The following PTPRD variants were observed in gnomAD, a reference collection of about 807,000 sequenced individuals.
PTPRD encodes receptor-type tyrosine-protein phosphatase delta.
In PTPRD, 34 loss-of-function variants were observed where a neutral mutation model predicts 214.5. The ratio of observed to expected loss-of-function variants is 0.16; its 90% CI spans 0.12 to 0.21. PTPRD has a LOEUF of 0.21. PTPRD is among the 10% of genes least tolerant of loss of function. PTPRD has a pLI of 1.00. For synonymous variants in PTPRD, 1,128 were observed against 845.7 expected, an observed-to-expected ratio of 1.33 and a Z score of -5.79; for missense variants, 2,545 against 2,398.7, an observed-to-expected ratio of 1.06 and a Z score of -1.27.
At position 8,404,277 on chromosome 9, in the gene PTPRD, C is replaced by T. The variant is rs1485143335; in HGVS notation, c.4210+260G>A. 2.6e-5 allele frequency among the ~76,000 whole-genome samples: 4 copies of T among 152,002 alleles called. No homozygotes were observed. The East Asian group carries it at 7.7e-4, about 29-fold the overall frequency. On this transcript the variant is annotated intron_variant, in intron 36 of 45. Coordinates refer to ENST00000381196, the MANE Select transcript of PTPRD (RefSeq NM_002839.4). ...CTGAGTAGCTGGGATTACAGGCGCC[C>T]ACCACCATGCCCGGCTAGTTTTTGT...
At chr9:9,894,170 T>A (rs1364735098) in intron 5 of PTPRD, among the ~76,000 whole-genome samples, 2 of 152,056 alleles carry the variant, frequency 1.3e-5, no homozygotes, top group Non-Finnish European at 2.9e-5. Flanking sequence ...AGATAATATC[T>A]ATCATTTCTC....
At chr9:10,537,981 C>G (rs1190634459) in intron 2 of PTPRD, among the ~76,000 whole-genome samples, 1 of 152,080 alleles carries the variant, frequency 6.6e-6, no homozygotes, top group Non-Finnish European at 1.5e-5. Flanking sequence ...TTTACCAAGC[C>G]TTCCACCTAA....
At chr9:10,218,757 G>T (rs75624702) in intron 3 of PTPRD, among the ~76,000 whole-genome samples, 5,560 of 151,712 alleles carry the variant, frequency 0.037, 129 homozygotes, top group Middle Eastern at 0.085. Flanking sequence ...AGGGAGCCTT[G>T]GTCTTGGTGA....
chr9:8,755,040 G>T, intron 11 of PTPRD, among the ~76,000 whole-genome samples: 1 of 152,040 alleles, frequency 6.6e-6, no homozygotes, highest in Non-Finnish European at 1.5e-5. Flanking sequence ...ATTAAAATCA[G>T]AAACTCGACA....
At chr9:8,838,484 T>C (rs1357241207) in intron 11 of PTPRD, among the ~76,000 whole-genome samples, 1 of 152,148 alleles carries the variant, frequency 6.6e-6, no homozygotes, top group Non-Finnish European at 1.5e-5. Context: ...ACTTTTTAAA[T>C]TCAACTCAAA....
chr9:9,441,522 G>A (rs1355038731), intron 8 of PTPRD, among the ~76,000 whole-genome samples: 1 of 152,114 alleles, frequency 6.6e-6, no homozygotes, highest in Non-Finnish European at 1.5e-5. Flanking sequence ...ATGATGGAGG[G>A]AGAAACTAGG....
At chr9:10,088,919 G>A (rs1241583487) in intron 3 of PTPRD, among the ~76,000 whole-genome samples, 1 of 151,606 alleles carries the variant, frequency 6.6e-6, no homozygotes, top group East Asian at 1.9e-4. Flanking sequence ...ACAGCCTTCT[G>A]AATATACTAC....
rs149657398 is a variant in PTPRD at position 8,454,414 on chromosome 9, A to C, written c.3876-4577T>G. On this transcript the variant is annotated intron_variant, in intron 33 of 45. Transcript: ENST00000381196. ...AAACAAAATATTTATTTTCCCCAGAATCATCTTAATGAAGTTACTGTGTAT... is the reference window on the plus strand; with the variant it reads ...AAACAAAATATTTATTTTCCCCAGACTCATCTTAATGAAGTTACTGTGTAT... Among the ~76,000 whole-genome samples, 72 of 152,216 alleles carry C rather than the reference A, an allele frequency of 4.7e-4. No individual in the cohort carries two copies. The East Asian group carries it at 0.014, about 29-fold the overall frequency.
Position 9,093,740 on chromosome 9 carries a change from G to GA in PTPRD, c.-142-75006dup, listed in dbSNP as rs539627015. On this transcript the variant is annotated intron_variant, in intron 10 of 45. Transcript: ENST00000381196. ...GCATTAACTGCTTCTATTAGAAAAG[G>GA]AAAAAGTTCTCAAGTTAATGATCTA... Among the ~76,000 whole-genome samples, 791 of 151,644 alleles carry GA rather than the reference G, an allele frequency of 5.2e-3. 7 individuals are homozygous for GA. Among genetic ancestry groups the GA allele is most frequent in the African/African-American group, 0.018 (753 of 41,424 alleles).
intron 10 of PTPRD, among the ~76,000 whole-genome samples, chr9:9,100,562 C>T (rs2099789872): frequency 6.6e-6 from 1 of 152,036 alleles, no homozygotes; most frequent in East Asian, 1.9e-4. Flanking sequence ...TCAAGCAGAT[C>T]ATAGCCACAT....
At chr9:10,211,201 G>A (rs1405283450) in intron 3 of PTPRD, among the ~76,000 whole-genome samples, 3 of 151,868 alleles carry the variant, frequency 2.0e-5, no homozygotes, top group African/African-American at 4.8e-5. Context: ...ATCTGTGGAC[G>A]AAATAGAAGT....
intron 3 of PTPRD, among the ~76,000 whole-genome samples, chr9:10,200,736 G>A (rs923613012): frequency 2.0e-5 from 3 of 152,040 alleles, no homozygotes; most frequent in African/African-American, 7.2e-5. Context: ...AACATTTGCA[G>A]AATGTTATAG....
chr9:8,411,299 TC>T (rs1158987827), intron 35 of PTPRD, among the ~76,000 whole-genome samples: 5 of 143,968 alleles, frequency 3.5e-5, no homozygotes, highest in Non-Finnish European at 7.6e-5. Flanking sequence ...TTTTTATTTA[TC>T]TTTTATTTTT....
At chr9:9,043,939 T>C (rs1569497487) in intron 10 of PTPRD, among the ~76,000 whole-genome samples, 1 of 128,680 alleles carries the variant, frequency 7.8e-6, no homozygotes, top group Non-Finnish European at 1.7e-5. Context: ...TAAAATAAAA[T>C]AAAATAAAAT....
chr9:9,722,103 T>C (rs1407628149), intron 7 of PTPRD, among the ~76,000 whole-genome samples: 3 of 152,000 alleles, frequency 2.0e-5, no homozygotes, highest in Non-Finnish European at 4.4e-5. Flanking sequence ...TTACACACCA[T>C]AAAACTCTCC....
Position 10,249,089 on chromosome 9 carries a change from A to G in PTPRD, c.-545+91874T>C, listed in dbSNP as rs1347299698. On this transcript the variant is annotated intron_variant, in intron 3 of 45. Coordinates refer to ENST00000381196, the MANE Select transcript of PTPRD (RefSeq NM_002839.4). ...CAGATCTTATATATCTTAAGTCAGC[A>G]AATTTGACCTGCATTTCAAAATCTT... is the stretch of plus-strand genomic sequence containing the variant. Among the ~76,000 whole-genome samples the G allele has an allele frequency of 2.6e-5, 4 of 152,138 alleles. No individual in the cohort carries two copies. The East Asian group carries it at 5.8e-4, about 22-fold the overall frequency.
At chr9:10,226,833 C>G (rs537775825) in intron 3 of PTPRD, among the ~76,000 whole-genome samples, 1 of 151,954 alleles carries the variant, frequency 6.6e-6, no homozygotes, top group Non-Finnish European at 1.5e-5. Context: ...TTTTCCACTA[C>G]GTCTAATTGC....
At chr9:8,345,925 A>G (rs1857184660) in intron 39 of PTPRD, among the ~76,000 whole-genome samples, 1 of 152,052 alleles carries the variant, frequency 6.6e-6, no homozygotes, top group Non-Finnish European at 1.5e-5. Flanking sequence ...AATGTAGATA[A>G]TGCTCCAAAA....
intron 2 of PTPRD, among the ~76,000 whole-genome samples, chr9:10,557,796 A>T (rs1271993450): frequency 1.3e-5 from 2 of 152,188 alleles, no homozygotes; most frequent in Non-Finnish European, 2.9e-5. Flanking sequence ...GAAGGCATAC[A>T]GTTTGCAGAA....
Sources: gnomAD v4.1 joint callset for allele counts (sites outside exome capture counted in the v4.1 genomes callset) on GRCh38, gnomAD v4.1.1 for gene constraint, MANE v1.5 for transcripts, NCBI Gene and HGNC (gene_info 2026-07-23, HGNC 2026-07-21) for gene names.